The following FBXL7 variants were observed in gnomAD, a reference collection of about 807,000 sequenced individuals.
FBXL7 encodes the protein F-box and leucine rich repeat protein 7, also known as F-box/LRR-repeat protein 7.
In FBXL7, 12 loss-of-function variants were observed where a neutral mutation model predicts 38.3. The observed-to-expected ratio is 0.31, with a 90% CI of 0.20 to 0.51. The LOEUF (loss-of-function observed/expected upper bound fraction) is 0.51, where lower values mean the gene tolerates loss of function less well. Among genes scored for constraint, FBXL7 ranks in the 20% least tolerant of loss-of-function variants. The probability of loss-of-function intolerance (pLI) is 0.98; values close to 1 mark genes in which losing one functional copy is unlikely to be tolerated. For missense variants in FBXL7, 567 were observed against 676.4 expected, an observed-to-expected ratio of 0.84 and a Z score of 1.79; for synonymous variants, 297 against 300.9, an observed-to-expected ratio of 0.99 and a Z score of 0.13.
chr5:15,572,810 T>C (rs1320510908), intron 1 of FBXL7, among the ~76,000 whole-genome samples: 1 of 152,174 alleles, frequency 6.6e-6, no homozygotes, highest in Non-Finnish European at 1.5e-5. Context: ...CCAAGCAGCG[T>C]AAACCACAAA....
chr5:15,818,352 C>G (rs957125699), intron 2 of FBXL7, among the ~76,000 whole-genome samples: 2 of 152,072 alleles, frequency 1.3e-5, no homozygotes, highest in African/African-American at 4.8e-5. Flanking sequence ...TTGTACCATC[C>G]CTTCTTATCC....
At chr5:15,523,673 C>G (rs1040531880) in intron 1 of FBXL7, among the ~76,000 whole-genome samples, 13 of 152,272 alleles carry the variant, frequency 8.5e-5, no homozygotes, top group African/African-American at 2.6e-4. Flanking sequence ...TGGCCTGTTA[C>G]CGTCCGTGGC....
chr5:15,670,576 G>A (rs1184673578), intron 2 of FBXL7, among the ~76,000 whole-genome samples: 1 of 152,138 alleles, frequency 6.6e-6, no homozygotes, highest in Non-Finnish European at 1.5e-5. Context: ...TAAGGCAGGT[G>A]AATCATCTGA....
intron 2 of FBXL7, among the ~76,000 whole-genome samples, chr5:15,870,193 T>G (rs1385071683): frequency 6.6e-6 from 1 of 151,644 alleles, no homozygotes; most frequent in African/African-American, 2.4e-5. Flanking sequence ...AAATGATCCA[T>G]GGGGGTGGGA....
intron 1 of FBXL7, among the ~76,000 whole-genome samples, chr5:15,573,308 T>C (rs1283141711): frequency 6.6e-6 from 1 of 152,194 alleles, no homozygotes; most frequent in Non-Finnish European, 1.5e-5. Context: ...TACAAAAGCA[T>C]GTGCATTCCT....
At chr5:15,839,575 T>A (rs1281527779) in intron 2 of FBXL7, among the ~76,000 whole-genome samples, 8 of 152,194 alleles carry the variant, frequency 5.3e-5, no homozygotes, top group Non-Finnish European at 1.0e-4. Context: ...TTCTAATGAA[T>A]GGTGAAATGA....
chr5:15,679,898 T>C, intron 2 of FBXL7, among the ~76,000 whole-genome samples: 1 of 152,192 alleles, frequency 6.6e-6, no homozygotes, highest in Non-Finnish European at 1.5e-5. Context: ...AAATAGACAT[T>C]TGTACCATTT....
intron 2 of FBXL7, among the ~76,000 whole-genome samples, chr5:15,916,232 G>A (rs776137716): frequency 2.3e-4 from 35 of 152,078 alleles, no homozygotes; most frequent in Non-Finnish European, 4.6e-4. Flanking sequence ...TGTGGCTAGT[G>A]CACCTGAGGA....
intron 2 of FBXL7, among the ~76,000 whole-genome samples, chr5:15,644,474 T>G (rs1741467706): frequency 6.6e-6 from 1 of 151,960 alleles, no homozygotes; most frequent in Non-Finnish European, 1.5e-5. Flanking sequence ...AAACTCTGTC[T>G]CAAAAAAAAT....
At chr5:15,557,402 C>T (rs1052160655) in intron 1 of FBXL7, among the ~76,000 whole-genome samples, 1 of 152,128 alleles carries the variant, frequency 6.6e-6, no homozygotes, top group African/African-American at 2.4e-5. Flanking sequence ...CAAACTGTAT[C>T]CTTAACTCAT....
chr5:15,754,407 G>A (rs1285491526), intron 2 of FBXL7, among the ~76,000 whole-genome samples: 1 of 152,186 alleles, frequency 6.6e-6, no homozygotes, highest in Non-Finnish European at 1.5e-5. Flanking sequence ...AAGAGTTGGT[G>A]TATTGGAGTC....
At chr5:15,526,569 C>G (rs1030787324) in intron 1 of FBXL7, among the ~76,000 whole-genome samples, 1 of 152,068 alleles carries the variant, frequency 6.6e-6, no homozygotes, top group African/African-American at 2.4e-5. Context: ...CAATTAGAGC[C>G]CTTATTCAAA....
chr5:15,803,325 C>G (rs1737620283), intron 2 of FBXL7, among the ~76,000 whole-genome samples: 1 of 152,072 alleles, frequency 6.6e-6, no homozygotes, highest in South Asian at 2.1e-4. Flanking sequence ...CTGTCTTCTT[C>G]TTCAATATAA....
chr5:15,916,173 A>G (rs1741578962), intron 2 of FBXL7, among the ~76,000 whole-genome samples: 2 of 152,216 alleles, frequency 1.3e-5, no homozygotes, highest in South Asian at 2.1e-4. Context: ...GAATCATTCT[A>G]TGCCTGTGCT....
intron 2 of FBXL7, among the ~76,000 whole-genome samples, chr5:15,680,026 C>G (rs1162798433): frequency 1.3e-5 from 2 of 152,280 alleles, no homozygotes; most frequent in South Asian, 2.1e-4. Context: ...AGACGTGACA[C>G]AAGTTTTAAT....
At chr5:15,711,908 A>G (rs1485210672) in intron 2 of FBXL7, among the ~76,000 whole-genome samples, 1 of 152,228 alleles carries the variant, frequency 6.6e-6, no homozygotes, top group Non-Finnish European at 1.5e-5. Flanking sequence ...TATTAACAGC[A>G]GTAATACAGG....
chr5:15,518,476 C>A (rs938572103), intron 1 of FBXL7, among the ~76,000 whole-genome samples: 3 of 152,194 alleles, frequency 2.0e-5, no homozygotes, highest in African/African-American at 7.2e-5. Context: ...GTAGGAAAGG[C>A]AGCTCATGGA....
intron 1 of FBXL7, among the ~76,000 whole-genome samples, chr5:15,524,876 C>G (rs73751964): frequency 6.6e-6 from 1 of 151,896 alleles, no homozygotes; most frequent in Non-Finnish European, 1.5e-5. Context: ...GGCCTCTGGC[C>G]GGTGGAAAGA....
chr5:15,571,744 T>C (rs575662123), intron 1 of FBXL7, among the ~76,000 whole-genome samples: 19 of 152,138 alleles, frequency 1.2e-4, no homozygotes, highest in African/African-American at 4.6e-4. Flanking sequence ...GGGTGAGGTA[T>C]TGTCAGTCAC....
Sources: allele counts gnomAD v4.1 joint callset (sites outside exome capture counted in the v4.1 genomes callset), GRCh38; gene constraint gnomAD v4.1.1; transcripts MANE v1.5; gene names NCBI Gene and HGNC (gene_info 2026-07-23, HGNC 2026-07-21).